The following BCKDHB variants were observed in gnomAD, a reference collection of about 807,000 sequenced individuals.
BCKDHB encodes the protein branched chain keto acid dehydrogenase E1 subunit beta.
A neutral mutation model predicts 48.5 loss-of-function variants in BCKDHB; 41 were observed. That is an observed-to-expected ratio of 0.85 (90% CI 0.66 to 1.10). The LOEUF (loss-of-function observed/expected upper bound fraction) is 1.10. Ranked by LOEUF, BCKDHB falls within the 50% of genes least tolerant of loss-of-function variation. The probability of loss-of-function intolerance (pLI) is 0.00; values close to 1 mark genes in which losing one functional copy is unlikely to be tolerated. For missense variants in BCKDHB, 496 were observed against 494.2 expected (o/e 1.00, Z -0.03); for synonymous variants, 201 against 174.8 (o/e 1.15, Z -1.18).
At chr6:80,301,135 AG>A (rs56152317) in intron 9 of BCKDHB, among the ~76,000 whole-genome samples, 120,953 of 151,592 alleles carry the variant, frequency 0.8, 48,428 homozygotes, top group Admixed American at 0.87. Flanking sequence ...GGAACTAGGA[AG>A]GAAAAAAAAA....
At chr6:80,391,173 A>ATGTGTGTGTG in the BCKDHB span, among the ~76,000 whole-genome samples, 877 of 17,634 alleles carry the variant, frequency 0.05, 8 homozygotes, top group African/African-American at 0.054. Flanking sequence ...AAATGCATAT[A>ATGTGTGTGTG]TATATGTGTG....
At chr6:80,153,892 A>G (rs1289610207) in intron 3 of BCKDHB, among the ~76,000 whole-genome samples, 1 of 152,194 alleles carries the variant, frequency 6.6e-6, no homozygotes, top group African/African-American at 2.4e-5. Flanking sequence ...CATGCTTTTA[A>G]GCACTGTAGT....
At chr6:80,329,978 G>C (rs531754859) in intron 9 of BCKDHB, among the ~76,000 whole-genome samples, 85 of 152,218 alleles carry the variant, frequency 5.6e-4, no homozygotes, top group African/African-American at 2.0e-3. Flanking sequence ...TTTTTAAAAA[G>C]ATCAGTACCA....
At chr6:80,134,741 T>C (rs1770799187) in intron 3 of BCKDHB, among the ~76,000 whole-genome samples, 1 of 150,868 alleles carries the variant, frequency 6.6e-6, no homozygotes, top group African/African-American at 2.5e-5. Context: ...CGTTTTGTTT[T>C]ATTTTATTTA....
the BCKDHB span, among the ~76,000 whole-genome samples, chr6:80,415,364 A>G: frequency 3.4e-4 from 52 of 152,262 alleles, no homozygotes; most frequent in Non-Finnish European, 3.8e-4. Flanking sequence ...TTTCAAGGGA[A>G]ATGCTTCCAG....
chr6:80,120,517 G>A lies in BCKDHB; in HGVS notation c.197-7030G>A, dbSNP rs148505210. Among the ~76,000 whole-genome samples the A allele has an allele frequency of 1.6e-3, 243 of 152,064 alleles. 1 individual carries two copies. Among genetic ancestry groups the A allele is most frequent in the African/African-American group, 5.6e-3 (234 of 41,490 alleles). ...TTCCTATTTCTCCACATCCTCTCCA[G>A]CATCTGTTGTTTCTTGACTTTTTAA... On this transcript the variant is annotated intron_variant, in intron 1 of 9. Coordinates refer to ENST00000320393, the MANE Select transcript of BCKDHB (RefSeq NM_183050.4).
the BCKDHB span, chr6:80,355,833 G>A: frequency 6.6e-6 from 1 of 152,200 alleles, no homozygotes; most frequent in African/African-American, 2.4e-5. Flanking sequence ...AGCTATGGAA[G>A]GCACCTAAGG....
chr6:80,249,365 T>TA lies in BCKDHB; in HGVS notation c.952-23769dup, dbSNP rs574089367. Among the ~76,000 whole-genome samples the TA allele has an allele frequency of 3.7e-3, 561 of 152,200 alleles. 2 individuals carry two copies. The highest frequency in any genetic ancestry group is 0.013 in the African/African-American group (528 of 41,522). On this transcript the variant is annotated intron_variant, in intron 8 of 9. Transcript: ENST00000320393. Reference sequence around the variant, plus strand: ...TCATGTCTGCAGTTATCCTGACTGATATTTAGGAAGCAGTTTACTCCTCCA... The same window carrying TA: ...TCATGTCTGCAGTTATCCTGACTGATAATTTAGGAAGCAGTTTACTCCTCCA...
At chr6:80,108,583 C>T (rs187864349) in intron 1 of BCKDHB, among the ~76,000 whole-genome samples, 99 of 149,708 alleles carry the variant, frequency 6.6e-4, no homozygotes, top group South Asian at 4.5e-3. Context: ...AAAAATCTGC[C>T]GGGCGCAGTG....
At chr6:80,274,096 T>C (rs1045491113) in intron 9 of BCKDHB, among the ~76,000 whole-genome samples, 5 of 152,034 alleles carry the variant, frequency 3.3e-5, no homozygotes, top group Non-Finnish European at 7.4e-5. Context: ...TACATTGTTA[T>C]AGAATTATGA....
chr6:80,416,763 T>C, the BCKDHB span, among the ~76,000 whole-genome samples: 2 of 119,382 alleles, frequency 1.7e-5, no homozygotes, highest in Non-Finnish European at 4.3e-5. Flanking sequence ...GGGTTTTTTA[T>C]TTTTATTTTT....
At chr6:80,392,493 T>C in the BCKDHB span, among the ~76,000 whole-genome samples, 2 of 152,004 alleles carry the variant, frequency 1.3e-5, no homozygotes, top group Non-Finnish European at 2.9e-5. Context: ...TAGTTTATTA[T>C]GGTTTAAATT....
intron 9 of BCKDHB, among the ~76,000 whole-genome samples, chr6:80,341,877 T>C (rs1214320743): frequency 6.6e-6 from 1 of 152,198 alleles, no homozygotes; most frequent in Admixed American, 6.5e-5. Context: ...TTAAAATTAC[T>C]TGTTGCAAAC....
At chr6:80,269,678 G>A (rs1050511546) in intron 8 of BCKDHB, among the ~76,000 whole-genome samples, 3 of 151,974 alleles carry the variant, frequency 2.0e-5, no homozygotes, top group Non-Finnish European at 4.4e-5. Flanking sequence ...CTGAAAAGTT[G>A]TTTAAACACT....
At chr6:80,420,596 G>A in the BCKDHB span, among the ~76,000 whole-genome samples, 1 of 152,168 alleles carries the variant, frequency 6.6e-6, no homozygotes, top group Non-Finnish European at 1.5e-5. Context: ...TGTGTGTTGT[G>A]TGTGGAAACA....
At chr6:80,299,889 T>A (rs1347081607) in intron 9 of BCKDHB, among the ~76,000 whole-genome samples, 2 of 152,124 alleles carry the variant, frequency 1.3e-5, no homozygotes, top group Non-Finnish European at 2.9e-5. Flanking sequence ...AATTCCACAC[T>A]TAAAAGAGAC....
At chr6:80,328,230 C>T (rs959077326) in intron 9 of BCKDHB, among the ~76,000 whole-genome samples, 3 of 152,094 alleles carry the variant, frequency 2.0e-5, no homozygotes, top group South Asian at 2.1e-4. Context: ...TTGCATGCTA[C>T]GATATATTCT....
intron 1 of BCKDHB, among the ~76,000 whole-genome samples, chr6:80,115,279 T>C (rs1769628122): frequency 6.6e-6 from 1 of 152,002 alleles, no homozygotes; most frequent in Admixed American, 6.6e-5. Flanking sequence ...TCTTGAGTAG[T>C]TGGGACTATC....
chr6:80,139,178 A>G (rs903101201), intron 3 of BCKDHB, among the ~76,000 whole-genome samples: 57 of 152,022 alleles, frequency 3.7e-4, no homozygotes, highest in Admixed American at 2.2e-3. Flanking sequence ...AATTTGTTTG[A>G]GTTCATTGTA....
Sources: gnomAD v4.1 joint callset for allele counts (sites outside exome capture counted in the v4.1 genomes callset) on GRCh38, gnomAD v4.1.1 for gene constraint, MANE v1.5 for transcripts, NCBI Gene and HGNC (gene_info 2026-07-23, HGNC 2026-07-21) for gene names.